The following GALNTL6 variants were observed in gnomAD, a reference collection of about 807,000 sequenced individuals.
The protein encoded by GALNTL6 is polypeptide N-acetylgalactosaminyltransferase like 6, also known as polypeptide N-acetylgalactosaminyltransferase-like 6.
A neutral mutation model predicts 73.7 loss-of-function variants in GALNTL6; 46 were observed. The observed-to-expected ratio is 0.62, with a 90% CI of 0.49 to 0.80. The LOEUF (loss-of-function observed/expected upper bound fraction) is 0.80, where lower values mean the gene tolerates loss of function less well. GALNTL6 is among the 30% of genes least tolerant of loss of function. GALNTL6 has a pLI of 0.00. For missense variants in GALNTL6, 604 were observed against 755.0 expected, an observed-to-expected ratio of 0.80 and a Z score of 2.34; for synonymous variants, 259 against 263.7, an observed-to-expected ratio of 0.98 and a Z score of 0.17.
At chr4:172,635,462 G>A (rs1355667201) in intron 5 of GALNTL6, among the ~76,000 whole-genome samples, 3 of 151,896 alleles carry the variant, frequency 2.0e-5, no homozygotes, top group South Asian at 4.2e-4. Context: ...TTTTATCAAG[G>A]CAAGATCAAT....
intron 2 of GALNTL6, among the ~76,000 whole-genome samples, chr4:171,955,632 G>C (rs1739020690): frequency 6.6e-6 from 1 of 152,042 alleles, no homozygotes; most frequent in African/African-American, 2.4e-5. Context: ...GTATCGTTCA[G>C]AGAATAATGA....
chr4:172,426,324 T>C (rs1230587682), intron 5 of GALNTL6, among the ~76,000 whole-genome samples: 1 of 130,994 alleles, frequency 7.6e-6, no homozygotes, highest in African/African-American at 2.7e-5. Flanking sequence ...ATAACATTGG[T>C]GAATCTGTAG....
At chr4:172,241,098 G>A (rs187591246) in intron 3 of GALNTL6, among the ~76,000 whole-genome samples, 1 of 152,130 alleles carries the variant, frequency 6.6e-6, no homozygotes, top group South Asian at 2.1e-4. Flanking sequence ...GTTTTACAGG[G>A]TGTAAGTTAG....
chr4:172,189,145 T>G (rs183482016), intron 2 of GALNTL6, among the ~76,000 whole-genome samples: 1 of 152,278 alleles, frequency 6.6e-6, no homozygotes, highest in East Asian at 1.9e-4. Flanking sequence ...CTTCACCATA[T>G]GAAAGGCTAT....
At chr4:172,133,770 G>A (rs1234182259) in intron 2 of GALNTL6, among the ~76,000 whole-genome samples, 1 of 152,190 alleles carries the variant, frequency 6.6e-6, no homozygotes, top group East Asian at 1.9e-4. Context: ...CAGAAGCATG[G>A]AAAGGCATGG....
intron 2 of GALNTL6, among the ~76,000 whole-genome samples, chr4:172,087,676 G>C (rs1046703237): frequency 3.7e-4 from 56 of 150,958 alleles, no homozygotes; most frequent in Non-Finnish European, 6.0e-4. Context: ...ATGGAAAAAG[G>C]CAGTAATGTA....
At chr4:172,546,182 T>G (rs1327288677) in intron 5 of GALNTL6, among the ~76,000 whole-genome samples, 1 of 152,092 alleles carries the variant, frequency 6.6e-6, no homozygotes, top group Non-Finnish European at 1.5e-5. Context: ...CCATTACCAC[T>G]CGGGAGAGAA....
chr4:172,625,502 T>A (rs2111081432), intron 5 of GALNTL6, among the ~76,000 whole-genome samples: 1 of 152,240 alleles, frequency 6.6e-6, no homozygotes, highest in South Asian at 2.1e-4. Flanking sequence ...ACATGTGTCT[T>A]TTCAGTAGAA....
intron 2 of GALNTL6, among the ~76,000 whole-genome samples, chr4:171,817,344 G>A (rs1021696346): frequency 2.0e-5 from 3 of 151,750 alleles, no homozygotes; most frequent in Admixed American, 1.3e-4. Flanking sequence ...AGGTTACAGG[G>A]AAATAATTTA....
At chr4:172,471,794 A>T (rs1377177159) in intron 5 of GALNTL6, among the ~76,000 whole-genome samples, 3 of 152,228 alleles carry the variant, frequency 2.0e-5, no homozygotes, top group Non-Finnish European at 4.4e-5. Context: ...GCGCTTAGAA[A>T]GTAAGAGCTC....
chr4:172,295,476 G>T (rs2111108874), intron 3 of GALNTL6, among the ~76,000 whole-genome samples: 1 of 144,376 alleles, frequency 6.9e-6, no homozygotes, highest in Non-Finnish European at 1.5e-5. Context: ...TATTAACAAT[G>T]ACTAGTTATT....
chr4:172,368,739 C>T (rs543957558), intron 5 of GALNTL6, among the ~76,000 whole-genome samples: 4 of 148,760 alleles, frequency 2.7e-5, no homozygotes, highest in Non-Finnish European at 6.0e-5. Context: ...GAGTTTCTTC[C>T]CTCTGGTGGG....
intron 7 of GALNTL6, among the ~76,000 whole-genome samples, chr4:172,871,836 T>C (rs1197072404): frequency 6.6e-6 from 1 of 151,844 alleles, no homozygotes; most frequent in Non-Finnish European, 1.5e-5. Context: ...CAGGTTGGAG[T>C]GTGATGGCGC....
chr4:172,673,490 T>G (rs1579319147), intron 5 of GALNTL6, among the ~76,000 whole-genome samples: 1 of 152,280 alleles, frequency 6.6e-6, no homozygotes. Context: ...ATCATGTCCA[T>G]TTGTTCCAGT....
intron 5 of GALNTL6, among the ~76,000 whole-genome samples, chr4:172,439,830 C>T (rs12644293): frequency 0.21 from 31,360 of 151,918 alleles, 3,871 homozygotes; most frequent in East Asian, 0.36. Flanking sequence ...AGAGATTTCC[C>T]GTATACCCTT....
At chr4:172,163,737 G>T (rs550691841) in intron 2 of GALNTL6, among the ~76,000 whole-genome samples, 25 of 152,134 alleles carry the variant, frequency 1.6e-4, no homozygotes, top group Non-Finnish European at 2.9e-4. Context: ...AGAGCCATCT[G>T]TAGGTATAAA....
In GALNTL6 at chr4:171,880,354, G is replaced by A. The variant is rs76728123; in HGVS notation, c.138+65636G>A. On this transcript the variant is annotated intron_variant, in intron 2 of 12. Transcript: ENST00000506823. Reference sequence around the variant, plus strand: ...TTCCTGAAACAGTCATGCATTAGGCGTGTGAAGTCTGAGAAAGCCGATCAC... The same window carrying A: ...TTCCTGAAACAGTCATGCATTAGGCATGTGAAGTCTGAGAAAGCCGATCAC... Among the ~76,000 whole-genome samples the A allele has an allele frequency of 9.2e-3, 1,399 of 152,320 alleles. 21 individuals carry two copies. Among genetic ancestry groups the A allele is most frequent in the African/African-American group, 0.032 (1,320 of 41,586 alleles).
At chr4:172,196,959 G>T (rs1222224689) in intron 2 of GALNTL6, among the ~76,000 whole-genome samples, 1 of 152,184 alleles carries the variant, frequency 6.6e-6, no homozygotes, top group Non-Finnish European at 1.5e-5. Context: ...GCAAGAGAAA[G>T]AAGTAAAAGG....
At chr4:171,907,210 A>T (rs180849271) in intron 2 of GALNTL6, among the ~76,000 whole-genome samples, 5,231 of 151,634 alleles carry the variant, frequency 0.034, 284 homozygotes, top group African/African-American at 0.12. Context: ...AAATTGTCCC[A>T]GTTTGCAGAT....
Sources: gnomAD v4.1 joint callset for allele counts (sites outside exome capture counted in the v4.1 genomes callset) on GRCh38, gnomAD v4.1.1 for gene constraint, MANE v1.5 for transcripts, NCBI Gene and HGNC (gene_info 2026-07-23, HGNC 2026-07-21) for gene names.